The following CACNA1E variants were observed in gnomAD, a reference collection of about 807,000 sequenced individuals.
The protein encoded by CACNA1E is voltage-dependent R-type calcium channel subunit alpha-1E.
In CACNA1E, 40 loss-of-function variants were observed where a neutral mutation model predicts 259.2. That is an observed-to-expected ratio of 0.15 (90% CI 0.12 to 0.20). CACNA1E has a LOEUF of 0.20. CACNA1E is among the 10% of genes least tolerant of loss of function. The probability of loss-of-function intolerance (pLI) is 1.00; values close to 1 mark genes in which losing one functional copy is unlikely to be tolerated. For missense variants in CACNA1E, 1,874 were observed against 3,040.1 expected (o/e 0.62, Z 9.02); for synonymous variants, 1,104 against 1,138.5 (o/e 0.97, Z 0.61).
intron 3 of CACNA1E, among the ~76,000 whole-genome samples, chr1:181,541,043 C>A (rs559524563): frequency 9.9e-5 from 15 of 152,214 alleles, no homozygotes; most frequent in Middle Eastern, 3.4e-3. Flanking sequence ...CAAAGAAATC[C>A]AAAACACCTC....
chr1:181,378,744 G>C (rs1475411575), intron 1 of CACNA1E, among the ~76,000 whole-genome samples: 1 of 152,292 alleles, frequency 6.6e-6, no homozygotes, highest in Non-Finnish European at 1.5e-5. Context: ...CAAGATTCAA[G>C]GACAGTTGGT....
intron 6 of CACNA1E, among the ~76,000 whole-genome samples, chr1:181,610,277 C>A (rs555415337): frequency 2.0e-5 from 3 of 152,146 alleles, no homozygotes; most frequent in African/African-American, 7.2e-5. Flanking sequence ...TTTTTCCAGC[C>A]ATTTCCTCAT....
At chr1:181,749,237 A>G (rs557648749) in intron 25 of CACNA1E, among the ~76,000 whole-genome samples, 7 of 152,352 alleles carry the variant, frequency 4.6e-5, no homozygotes, top group Admixed American at 4.6e-4. Context: ...ACAATGTCCA[A>G]CTAAGAACCA....
At chr1:181,476,674 A>C (rs1662872502) in intron 2 of CACNA1E, among the ~76,000 whole-genome samples, 1 of 152,188 alleles carries the variant, frequency 6.6e-6, no homozygotes, top group Non-Finnish European at 1.5e-5. Flanking sequence ...AAATGAACCA[A>C]TCGGCCTGAG....
At chr1:181,590,055 G>A (rs781021869) in intron 6 of CACNA1E, among the ~76,000 whole-genome samples, 11 of 152,102 alleles carry the variant, frequency 7.2e-5, no homozygotes, top group East Asian at 1.9e-4. Flanking sequence ...AACAATATGC[G>A]TAGATTTACA....
intron 3 of CACNA1E, 23 bp downstream of exon 3, chr1:181,511,533 T>G: frequency 6.2e-7 from 1 of 1,612,560 alleles, no homozygotes; most frequent in Non-Finnish European, 8.5e-7. Context: ...TCTCTCTCTG[T>G]CTGTGTGTGT....
At chr1:181,678,040 A>G (rs1036231281) in intron 7 of CACNA1E, among the ~76,000 whole-genome samples, 15 of 152,152 alleles carry the variant, frequency 9.9e-5, no homozygotes, top group Admixed American at 9.8e-4. Flanking sequence ...CATGCGGGAC[A>G]TAGTATTTGG....
At chr1:181,466,560 A>ACAAAAC (rs56263112) in intron 2 of CACNA1E, among the ~76,000 whole-genome samples, 4 of 151,530 alleles carry the variant, frequency 2.6e-5, no homozygotes, top group Admixed American at 6.6e-5. Flanking sequence ...ACAAAACAAA[A>ACAAAAC]AATAAAACAA....
At chr1:181,693,337 C>G (rs553033948) in intron 7 of CACNA1E, among the ~76,000 whole-genome samples, 1 of 151,912 alleles carries the variant, frequency 6.6e-6, no homozygotes, top group Non-Finnish European at 1.5e-5. Context: ...TTGTTCTACC[C>G]AAATGACACA....
rs1020442399 is a variant in CACNA1E at position 181,771,519 on chromosome 1, C to G, written c.4973+135C>G. On this transcript the variant is annotated intron_variant, in intron 36 of 47. Transcript: ENST00000367573. Reference sequence around the variant, plus strand: ...TCCTGTCAGTAGAAAGGGGAACAGGCAATGTCTTTGCCAAACTGCCCCTAT... The same window carrying G: ...TCCTGTCAGTAGAAAGGGGAACAGGGAATGTCTTTGCCAAACTGCCCCTAT... 2.2e-5 allele frequency: 14 copies of G among 632,670 alleles called. No homozygotes were observed. In the African/African-American group the frequency reaches 2.4e-4, roughly 11 times the overall value. The allele number at this position is 632,670 out of a possible 1,614,324, so 39.2% of individuals were successfully genotyped here.
At chr1:181,697,857 G>C (rs1042209363) in intron 7 of CACNA1E, among the ~76,000 whole-genome samples, 7 of 152,232 alleles carry the variant, frequency 4.6e-5, no homozygotes, top group African/African-American at 1.7e-4. Flanking sequence ...ACACTGCTCT[G>C]TGAAGAGCAG....
intron 1 of CACNA1E, among the ~76,000 whole-genome samples, chr1:181,335,088 T>G (rs1571591787): frequency 6.6e-6 from 1 of 152,200 alleles, no homozygotes; most frequent in Admixed American, 6.5e-5. Context: ...GGCTTGCCCC[T>G]CACCACCTTC....
chr1:181,639,429 C>T (rs539694882), intron 6 of CACNA1E, among the ~76,000 whole-genome samples: 1 of 152,170 alleles, frequency 6.6e-6, no homozygotes, highest in Non-Finnish European at 1.5e-5. Flanking sequence ...TATTTTTCTC[C>T]CCTTCGATAC....
At chr1:181,608,861 G>A (rs1224510433) in intron 6 of CACNA1E, among the ~76,000 whole-genome samples, 1 of 152,140 alleles carries the variant, frequency 6.6e-6, no homozygotes, top group African/African-American at 2.4e-5. Flanking sequence ...TCTCCTTATT[G>A]ATTGTATATT....
chr1:181,720,479 A>G, intron 14 of CACNA1E, 142 bp downstream of exon 14: 2 of 861,636 alleles, frequency 2.3e-6, no homozygotes, highest in South Asian at 3.5e-5. Flanking sequence ...GAGTGAGTTC[A>G]TATGTGGAGT....
At chr1:181,718,802 G>A (rs770329660) in intron 12 of CACNA1E, among the ~76,000 whole-genome samples, 18 of 152,144 alleles carry the variant, frequency 1.2e-4, no homozygotes, top group South Asian at 2.1e-4. Context: ...GTCCCCTGCC[G>A]CTTACAGGAG....
At chr1:181,663,287 A>T (rs1647871501) in intron 7 of CACNA1E, among the ~76,000 whole-genome samples, 1 of 152,198 alleles carries the variant, frequency 6.6e-6, no homozygotes, top group Non-Finnish European at 1.5e-5. Flanking sequence ...TACTGCTGTT[A>T]ACCCCATTTT....
At chr1:181,441,020 G>T (rs1414162155) in intron 2 of CACNA1E, among the ~76,000 whole-genome samples, 1 of 62,650 alleles carries the variant, frequency 1.6e-5, no homozygotes, top group Non-Finnish European at 3.7e-5. Flanking sequence ...AAAAAAAAAA[G>T]CGCCCAGCTC....
At chr1:181,370,725 A>G (rs1156581746) in intron 1 of CACNA1E, among the ~76,000 whole-genome samples, 1 of 152,144 alleles carries the variant, frequency 6.6e-6, no homozygotes, top group Non-Finnish European at 1.5e-5. Context: ...ATGGTGACTA[A>G]CACTGTGATA....
Sources: gnomAD v4.1 joint callset for allele counts (sites outside exome capture counted in the v4.1 genomes callset) on GRCh38, gnomAD v4.1.1 for gene constraint, MANE v1.5 for transcripts, NCBI Gene and HGNC (gene_info 2026-07-23, HGNC 2026-07-21) for gene names.